The following MLIP variants were observed in gnomAD, a reference collection of about 807,000 sequenced individuals.
MLIP encodes the protein muscular LMNA-interacting protein.
MLIP carries 79 observed loss-of-function variants against 84.8 expected under a neutral mutation model. The observed-to-expected ratio is 0.93, with a 90% CI of 0.78 to 1.12. MLIP has a LOEUF of 1.12. MLIP is among the 50% of genes most tolerant of loss of function. MLIP has a pLI of 0.00. For missense variants in MLIP, 1,257 were observed against 1,160.6 expected (o/e 1.08, Z -1.21); for synonymous variants, 504 against 463.0 (o/e 1.09, Z -1.14).
At chr6:54,184,819 A>G (rs1342002131) in intron 9 of MLIP, among the ~76,000 whole-genome samples, 5 of 151,856 alleles carry the variant, frequency 3.3e-5, no homozygotes, top group African/African-American at 7.3e-5. Flanking sequence ...ATTTTTTCTT[A>G]TATGATTAAA....
intron 12 of MLIP, among the ~76,000 whole-genome samples, chr6:54,248,292 G>A (rs1423438547): frequency 6.6e-6 from 1 of 152,134 alleles, no homozygotes; most frequent in African/African-American, 2.4e-5. Context: ...TTTGCCTGTA[G>A]TACTAAGTAA....
intron 4 of MLIP, among the ~76,000 whole-genome samples, chr6:54,142,960 T>C (rs1772448025): frequency 6.6e-6 from 1 of 152,142 alleles, no homozygotes. Flanking sequence ...CTTTCTTATT[T>C]TGTTTTTCTC....
intron 1 of MLIP, among the ~76,000 whole-genome samples, chr6:54,051,656 G>A (rs911626221): frequency 3.3e-5 from 5 of 152,084 alleles, no homozygotes; most frequent in African/African-American, 1.2e-4. Flanking sequence ...TCTGATCCCA[G>A]ATGTGCAAAT....
intron 1 of MLIP, among the ~76,000 whole-genome samples, chr6:54,094,900 A>C (rs1768106468): frequency 6.6e-6 from 1 of 152,152 alleles, no homozygotes; most frequent in African/African-American, 2.4e-5. Flanking sequence ...TCACTTTTGA[A>C]GTTTGACTTT....
At chr6:54,041,288 G>T (rs965072124) in intron 1 of MLIP, among the ~76,000 whole-genome samples, 1 of 152,018 alleles carries the variant, frequency 6.6e-6, no homozygotes, top group African/African-American at 2.4e-5. Flanking sequence ...GTATTGCATT[G>T]TATCGGTGTT....
intron 10 of MLIP, among the ~76,000 whole-genome samples, chr6:54,191,085 G>A (rs1053650095): frequency 6.6e-6 from 1 of 151,992 alleles, no homozygotes; most frequent in Admixed American, 6.6e-5. Flanking sequence ...GTGAGCCATC[G>A]CGCCCGGCCA....
rs542249782 is a variant in MLIP, at chr6:54,047,923, C to G, written c.63+28832C>G. ...CATACAATGTACTATATGTAGGGCA[C>G]AAACTCAGGACTGTGCTCTTAACTT... On this transcript the variant is annotated intron_variant, in intron 1 of 12. Transcript: ENST00000274897. Among the ~76,000 whole-genome samples, 15 of 152,260 alleles carry G rather than the reference C, an allele frequency of 9.9e-5. No homozygotes were observed. In the South Asian group the frequency reaches 2.9e-3, roughly 29 times the overall value.
At chr6:54,242,805 A>G (rs1427780271) in intron 12 of MLIP, among the ~76,000 whole-genome samples, 3 of 152,378 alleles carry the variant, frequency 2.0e-5, no homozygotes, top group Non-Finnish European at 2.9e-5. Flanking sequence ...AATTAGAAAA[A>G]TGAACATTAA....
intron 12 of MLIP, among the ~76,000 whole-genome samples, chr6:54,254,856 G>A (rs1322154225): frequency 5.6e-5 from 8 of 142,254 alleles, no homozygotes; most frequent in Admixed American, 3.1e-4. Flanking sequence ...CACATATTTC[G>A]ATATTTTGCA....
chr6:54,257,166 C>T (rs536753724), intron 12 of MLIP, 142 bp from the exon 13 acceptor site: 1 of 622,606 alleles, frequency 1.6e-6, no homozygotes, highest in Admixed American at 2.9e-5. Flanking sequence ...ACAATTGAAT[C>T]TTAGTGTTTA....
intron 9 of MLIP, among the ~76,000 whole-genome samples, chr6:54,177,562 G>A (rs1048164636): frequency 3.9e-5 from 6 of 152,212 alleles, no homozygotes; most frequent in Non-Finnish European, 7.3e-5. Flanking sequence ...TGGTGAGGCT[G>A]TGGAGAAATA....
chr6:54,161,387 T>C (rs898060632), intron 8 of MLIP, among the ~76,000 whole-genome samples: 4 of 152,010 alleles, frequency 2.6e-5, no homozygotes, highest in African/African-American at 7.2e-5. Context: ...ATTGTTGTAA[T>C]TGAGTATGTA....
intron 9 of MLIP, among the ~76,000 whole-genome samples, chr6:54,177,375 G>A (rs1219440276): frequency 1.3e-5 from 2 of 151,844 alleles, no homozygotes; most frequent in African/African-American, 4.8e-5. Flanking sequence ...CCACTAAAAG[G>A]TGGACAAAGG....
chr6:54,247,141 G>T (rs1278296831), intron 12 of MLIP, among the ~76,000 whole-genome samples: 1 of 152,070 alleles, frequency 6.6e-6, no homozygotes, highest in African/African-American at 2.4e-5. Flanking sequence ...ATATTTGAAT[G>T]AACTTTTAAC....
At chr6:54,234,393 A>G (rs1252237212) in intron 12 of MLIP, among the ~76,000 whole-genome samples, 1 of 152,184 alleles carries the variant, frequency 6.6e-6, no homozygotes, top group Non-Finnish European at 1.5e-5. Flanking sequence ...AGATCTTATT[A>G]TCACTAAGCT....
At chr6:54,204,508 G>T (rs546273594) in intron 11 of MLIP, among the ~76,000 whole-genome samples, 1 of 152,232 alleles carries the variant, frequency 6.6e-6, no homozygotes, top group East Asian at 1.9e-4. Flanking sequence ...AACCTACATT[G>T]TTCAAAATAT....
At chr6:54,261,823 C>A (rs1783413100) in intron 13 of MLIP, 1 of 764,406 alleles carries the variant, frequency 1.3e-6, no homozygotes, top group Non-Finnish European at 1.6e-6. Flanking sequence ...CTATTCTTTT[C>A]AGGCAATTTT....
intron 9 of MLIP, among the ~76,000 whole-genome samples, chr6:54,187,667 G>C (rs753986302): frequency 6.6e-6 from 1 of 152,082 alleles, no homozygotes; most frequent in African/African-American, 2.4e-5. Flanking sequence ...ATATAAAAAC[G>C]AGTTTGAGAT....
At chr6:54,051,400 A>G (rs772831355) in intron 1 of MLIP, among the ~76,000 whole-genome samples, 6 of 151,932 alleles carry the variant, frequency 3.9e-5, no homozygotes, top group Non-Finnish European at 8.8e-5. Flanking sequence ...AAAGGCAGGG[A>G]ATGGGTAGTT....
Sources: allele counts gnomAD v4.1 joint callset (sites outside exome capture counted in the v4.1 genomes callset), GRCh38; gene constraint gnomAD v4.1.1; transcripts MANE v1.5; gene names NCBI Gene and HGNC (gene_info 2026-07-23, HGNC 2026-07-21).